The following NUP85 variants were observed in gnomAD, a reference collection of about 807,000 sequenced individuals.
The protein encoded by NUP85 is nuclear pore complex protein Nup85.
Under a neutral mutation model 92.8 loss-of-function variants are expected in NUP85, and 23 were observed. The observed-to-expected ratio is 0.25, with a 90% CI of 0.18 to 0.35. The LOEUF (loss-of-function observed/expected upper bound fraction) is 0.35. Ranked by LOEUF, NUP85 falls within the 10% of genes least tolerant of loss-of-function variation. NUP85 has a pLI of 1.00. For synonymous variants in NUP85, 314 were observed against 306.9 expected, an observed-to-expected ratio of 1.02 and a Z score of -0.24; for missense variants, 759 against 822.8, an observed-to-expected ratio of 0.92 and a Z score of 0.95.
chr17:75,220,043 A>T (rs966010959), intron 7 of NUP85, among the ~76,000 whole-genome samples: 1 of 152,130 alleles, frequency 6.6e-6, no homozygotes, highest in East Asian at 1.9e-4. Flanking sequence ...CAGCCTACAT[A>T]GCAGGGTGAC....
chr17:75,233,819 T>C (rs1325795679), intron 16 of NUP85, among the ~76,000 whole-genome samples: 3 of 151,178 alleles, frequency 2.0e-5, no homozygotes, highest in South Asian at 4.2e-4. Context: ...AGGATGGTCT[T>C]GATCTCCTGA....
In NUP85 at chr17:75,232,968, G is replaced by C; in HGVS notation, c.1514G>C (p.Arg505Thr). 6.2e-7 allele frequency: 1 copy of C among 1,614,028 alleles called. No individual in the cohort carries two copies. ...GCCTTTGCCACGCTCGTGTCAGACA[G>C]GTGGGTGCCGCTAGTGTTGGCTTCC... ...DAAFATLVSDRFLRDYCERGC... is the reference protein window; with the variant it reads ...DAAFATLVSDTFLRDYCERGC... The change falls in exon 15 of 19, where the codon AGG (arginine) becomes ACG (threonine). Residue 505 changes from arginine (R) to threonine (T), a missense_variant and splice_region_variant. Physicochemically the swap from Arg to Thr is moderately conservative, Grantham distance 71 (BLOSUM62 -1). Coordinates refer to ENST00000245544, the MANE Select transcript of NUP85 (RefSeq NM_024844.5).
chr17:75,233,546 C>T (rs928785931), intron 16 of NUP85, among the ~76,000 whole-genome samples: 1 of 150,864 alleles, frequency 6.6e-6, no homozygotes, highest in African/African-American at 2.4e-5. Context: ...CTCAGCCTCC[C>T]AAGTAGCTGG....
chr17:75,209,973 C>G lies in NUP85; in HGVS notation c.278C>G (p.Ser93Cys). 6.3e-7 allele frequency: 1 copy of G among 1,586,998 alleles called. No homozygotes were observed. The highest frequency in any genetic ancestry group is 1.2e-5 in the South Asian group (1 of 85,034). The change falls in exon 3 of 19, where the codon TCC (serine) becomes TGC (cysteine). Residue 93 changes from serine to cysteine, a missense_variant. Ser to Cys is a moderately radical substitution (Grantham distance 112, BLOSUM62 -1). Coordinates refer to ENST00000245544, the MANE Select transcript of NUP85 (RefSeq NM_024844.5). ...ATTGACGAAGAGTTGACTGGAAAAT[C>G]CAGAAAATCTCAGTAAGTTGGTTGC... ...QRIDEELTGKSRKSQLVRVSK... is the reference protein window; with the variant it reads ...QRIDEELTGKCRKSQLVRVSK...
intron 4 of NUP85, among the ~76,000 whole-genome samples, chr17:75,212,585 A>G (rs1050260080): frequency 6.7e-6 from 1 of 148,608 alleles, no homozygotes; most frequent in Admixed American, 6.9e-5. Context: ...TGATCTTCCT[A>G]CCTCATCCTT....
At position 75,208,556 on chromosome 17, in the gene NUP85, C is replaced by A. The variant is rs779853480; in HGVS notation, c.63C>A (p.Asn21Lys). 1 of 1,606,072 alleles carries A rather than the reference C, an allele frequency of 6.2e-7. No homozygotes were observed. Among genetic ancestry groups the A allele is most frequent in the Non-Finnish European group, 8.5e-7 (1 of 1,173,366 alleles). Residue 21 changes from asparagine (N) to lysine (K), a missense_variant, in exon 2 of 19, where the codon AAC (asparagine) becomes AAA (lysine). Physicochemically the swap from Asn to Lys is moderately conservative, Grantham distance 94 (BLOSUM62 0). Transcript: ENST00000245544. ...TTCCAGGCGTGAATTCCAAGAAGAA[C>A]CAAATGTATTTTGACTGGGGTCCAG... is the stretch of plus-strand genomic sequence containing the variant. Reference protein sequence around the residue: ...TLIPGVNSKKNQMYFDWGPGE... With the variant: ...TLIPGVNSKKKQMYFDWGPGE...
At chr17:75,218,343 C>T in intron 7 of NUP85, 37 bp downstream of exon 7, 1 of 1,609,928 alleles carries the variant, frequency 6.2e-7, no homozygotes, top group Non-Finnish European at 8.5e-7. Context: ...CACCATGTGT[C>T]CTACTGTCCC....
rs1388272061 is a variant in NUP85, at chr17:75,215,766, T to C, written c.418T>C (p.Ser140Pro). 6.2e-7 allele frequency: 1 copy of C among 1,614,000 alleles called. No individual in the cohort carries two copies. The highest frequency in any genetic ancestry group is 1.3e-5 in the African/African-American group (1 of 75,066). ...RQFSSQVSILSAMELIWNLCE... is the reference protein window; with the variant it reads ...RQFSSQVSILPAMELIWNLCE... ...ATTTCTTCCTTAGGTCTCCATTTTG[T>C]CAGCAATGGAGCTCATCTGGAACCT... is the stretch of plus-strand genomic sequence containing the variant. The change falls in exon 6 of 19, where the codon TCA (serine) becomes CCA (proline). Residue 140 changes from serine to proline, a missense_variant. Physicochemically the swap from Ser to Pro is moderately conservative, Grantham distance 74. Transcript: ENST00000245544.
intron 7 of NUP85, among the ~76,000 whole-genome samples, chr17:75,220,882 T>TTTA (rs2075577204): frequency 6.8e-6 from 1 of 146,068 alleles, no homozygotes; most frequent in South Asian, 2.2e-4. Flanking sequence ...ATCCCAATTT[T>TTTA]TTTTTTTTTT....
At chr17:75,233,427 TTTA>T (rs1246315042) in intron 16 of NUP85, among the ~76,000 whole-genome samples, 11 of 49,380 alleles carry the variant, frequency 2.2e-4, no homozygotes, top group South Asian at 1.3e-3. Context: ...CTTCTTTTCT[TTTA>T]TTTTTTCTTT....
chr17:75,224,537 T>C (rs535192790), intron 7 of NUP85, among the ~76,000 whole-genome samples: 1 of 152,154 alleles, frequency 6.6e-6, no homozygotes, highest in Non-Finnish European at 1.5e-5. Flanking sequence ...TTTCTTTCAT[T>C]TTTGAAAAGC....
chr17:75,234,056 T>C (rs1359991608), intron 16 of NUP85, among the ~76,000 whole-genome samples: 19 of 130,770 alleles, frequency 1.5e-4, no homozygotes, highest in Admixed American at 8.4e-4. Flanking sequence ...TTTCTTCTTT[T>C]TTTTTTTTTT....
At position 75,235,173 on chromosome 17, in the gene NUP85, A is replaced by G. The variant is rs764512270; in HGVS notation, c.1841A>G (p.His614Arg). 8.1e-6 allele frequency: 13 copies of G among 1,613,960 alleles called. No individual in the cohort carries two copies. The South Asian group carries it at 9.9e-5, about 12-fold the overall frequency. The change falls in exon 18 of 19, where the codon CAT (histidine) becomes CGT (arginine). Residue 614 changes from histidine to arginine, a missense_variant. Physicochemically the swap from His to Arg is conservative, Grantham distance 29 (BLOSUM62 0). Transcript: ENST00000245544. ...GACTTGACGTCAAGAAGACCTGTGC[A>G]TGGAGAATCTGATACCGAGCAGCTC... ...LEDLTSRRPVHGESDTEQLQD... is the reference protein window; with the variant it reads ...LEDLTSRRPVRGESDTEQLQD...
chr17:75,232,851 T>G lies in NUP85; in HGVS notation c.1397T>G (p.Val466Gly). Residue 466 changes from valine (V) to glycine (G), a missense_variant and splice_region_variant, in exon 15 of 19, where the codon GTT becomes GGT. Physicochemically the swap from Val to Gly is moderately radical, Grantham distance 109. Coordinates refer to ENST00000245544, the MANE Select transcript of NUP85 (RefSeq NM_024844.5). ...TTACCTTTTCTTTTCCCCTGCAAAG[T>G]TCGCAGCATTTGTAAGATCTTAGCC... ...ICEQRQMTEQ[V>G]RSICKILAMK... The G allele has an allele frequency of 1.2e-6, 2 of 1,613,920 alleles. No homozygotes were observed. The highest frequency in any genetic ancestry group is 1.7e-6 in the Non-Finnish European group (2 of 1,179,806).
intron 4 of NUP85, among the ~76,000 whole-genome samples, chr17:75,212,358 T>C (rs912873526): frequency 6.9e-6 from 1 of 143,922 alleles, no homozygotes; most frequent in Non-Finnish European, 1.5e-5. Flanking sequence ...AACCTCCACC[T>C]CCCAGGTTCA....
intron 7 of NUP85, among the ~76,000 whole-genome samples, chr17:75,223,560 G>C (rs1395912892): frequency 6.6e-6 from 1 of 151,910 alleles, no homozygotes; most frequent in Non-Finnish European, 1.5e-5. Flanking sequence ...GCTAATTTTT[G>C]TATTTTTAGT....
chr17:75,235,410 C>T (rs762125733), intron 18 of NUP85, 168 bp from the exon 19 acceptor site: 5 of 616,864 alleles, frequency 8.1e-6, no homozygotes, highest in Non-Finnish European at 1.1e-5. Flanking sequence ...CTTTGCTGTT[C>T]ATCATTTCCA....
chr17:75,235,195 G>C lies in NUP85; in HGVS notation c.1863G>C (p.Gln621His). Residue 621 changes from glutamine to histidine, a missense_variant, in exon 18 of 19, where the codon CAG becomes CAC. Gln to His is a conservative substitution (Grantham distance 24, BLOSUM62 0). Transcript: ENST00000245544. ...RPVHGESDTE[Q>H]LQDDDIETTK... Reference sequence around the variant, plus strand: ...TGCATGGAGAATCTGATACCGAGCAGCTCCAGGTCATTTTCACTTTTGGGT... The same window carrying C: ...TGCATGGAGAATCTGATACCGAGCACCTCCAGGTCATTTTCACTTTTGGGT... 1.9e-6 allele frequency: 3 copies of C among 1,610,746 alleles called. No homozygotes were observed. Among genetic ancestry groups the C allele is most frequent in the Non-Finnish European group, 2.5e-6 (3 of 1,178,392 alleles).
At chr17:75,228,748 T>TG in intron 11 of NUP85, 1 of 985,416 alleles carries the variant, frequency 1.0e-6, no homozygotes, top group Non-Finnish European at 1.2e-6. Flanking sequence ...CACCTTCATA[T>TG]GAACATGGAG....
Sources: gnomAD v4.1 joint callset for allele counts (sites outside exome capture counted in the v4.1 genomes callset) on GRCh38, gnomAD v4.1.1 for gene constraint, MANE v1.5 for transcripts, NCBI Gene and HGNC (gene_info 2026-07-23, HGNC 2026-07-21) for gene names.